Variants in BRSK2 observed in about 807,000 individuals in gnomAD.
The protein encoded by BRSK2 is serine/threonine-protein kinase BRSK2.
A neutral mutation model predicts 83.3 loss-of-function variants in BRSK2; 19 were observed. That is an observed-to-expected ratio of 0.23 (90% CI 0.16 to 0.33). The LOEUF is 0.33. BRSK2 is among the 10% of genes least tolerant of loss of function. The pLI, the probability that BRSK2 is intolerant of heterozygous loss-of-function variation, is 1.00. For synonymous variants in BRSK2, 519 were observed against 435.4 expected (o/e 1.19, Z -2.39); for missense variants, 798 against 1,042.3 (o/e 0.77, Z 3.23).
At position 1,460,732 on chromosome 11, in the gene BRSK2, GCCCC is replaced by G; in HGVS notation, c.*17_*20del. ...GCCGCGAGCAGCCTTAGACACACTA[GCCCC>G]CCCCCCCAGCACAGCACTGACAGCG... On this transcript the variant is annotated 3_prime_UTR_variant, in exon 20 of 20. Coordinates refer to ENST00000528841, the MANE Select transcript of BRSK2 (RefSeq NM_001256627.2). 3 of 1,310,208 alleles carry G rather than the reference GCCCC, an allele frequency of 2.3e-6. No individual in the cohort carries two copies. The highest frequency in any genetic ancestry group is 3.0e-6 in the Non-Finnish European group (3 of 1,013,200). The allele number at this position is 1,310,208 out of a possible 1,614,324, so 81.2% of individuals were successfully genotyped here.
At position 1,456,657 on chromosome 11, in the gene BRSK2, C is replaced by T; in HGVS notation, c.1909C>T (p.His637Tyr). The T allele has an allele frequency of 4.4e-6, 7 of 1,608,906 alleles. No homozygotes were observed. Among genetic ancestry groups the T allele is most frequent in the African/African-American group, 1.3e-5 (1 of 75,038 alleles). Residue 637 changes from histidine to tyrosine, a missense_variant, in exon 18 of 20, where the codon CAC becomes TAC. Coordinates refer to ENST00000528841, the MANE Select transcript of BRSK2 (RefSeq NM_001256627.2). ...CATCCAGGCCCAGCTGCTGAGCACACACGACCCGCCTGCGGCCCAGCACTT... is the reference window on the plus strand; with the variant it reads ...CATCCAGGCCCAGCTGCTGAGCACATACGACCCGCCTGCGGCCCAGCACTT... ...ETIQAQLLST[H>Y]DPPAAQHLSD... is the part of the protein sequence containing the mutation.
chr11:1,443,597 C>A lies in BRSK2; in HGVS notation c.742C>A (p.Arg248=). 1.2e-6 allele frequency: 2 copies of A among 1,608,800 alleles called. No homozygotes were observed. Among genetic ancestry groups the A allele is most frequent in the Non-Finnish European group, 1.7e-6 (2 of 1,178,006 alleles). ...FIPPDCQSLL[R]GMIEVDAARR... is the part of the protein sequence containing the mutation. ...CCCGCCCGACTGCCAGAGTCTGCTA[C>A]GGGGCATGATCGAGGTGGACGCCGC... Residue 248 remains arginine, a synonymous_variant, in exon 8 of 20, where the codon CGG becomes AGG. Transcript: ENST00000528841.
chr11:1,436,139 GT>G lies in BRSK2; in HGVS notation c.186+6del. The G allele has an allele frequency of 1.4e-6, 2 of 1,407,968 alleles. No individual in the cohort carries two copies. Among genetic ancestry groups the G allele is most frequent in the South Asian group, 1.4e-5 (1 of 72,594 alleles). The allele number at this position is 1,407,968 out of a possible 1,614,324, so 87.2% of individuals were successfully genotyped here. Reference sequence around the variant, plus strand: ...AGCGAGTCGGTGCTGATGAAGGTGGGTGGGGCCGGGGAGGGAGGCGGGGCCG... The same window carrying G: ...AGCGAGTCGGTGCTGATGAAGGTGGGGGGGCCGGGGAGGGAGGCGGGGCCG... On this transcript the variant is annotated splice_donor_region_variant and intron_variant, in intron 2 of 19. Coordinates refer to ENST00000528841, the MANE Select transcript of BRSK2 (RefSeq NM_001256627.2).
rs979703341 is a variant in BRSK2, at chr11:1,423,070, G to A, written c.92-12970G>A. 3.3e-5 allele frequency among the ~76,000 whole-genome samples: 5 copies of A among 152,204 alleles called. No individual in the cohort carries two copies. The highest frequency in any genetic ancestry group is 7.3e-5 in the Non-Finnish European group (5 of 68,030). On this transcript the variant is annotated intron_variant, in intron 1 of 19. Transcript: ENST00000528841. The surrounding 1 kb of genome is among the most constrained non-coding windows in gnomAD (Gnocchi z 6.5). Reference sequence around the variant, plus strand: ...CCTTAGCTCAGCCAGACAGCAGCCCGGAGGGTTAATGTCCAGGTACCTCCA... The same window carrying A: ...CCTTAGCTCAGCCAGACAGCAGCCCAGAGGGTTAATGTCCAGGTACCTCCA...
chr11:1,408,775 G>T (rs1001379940), intron 1 of BRSK2, among the ~76,000 whole-genome samples: 21 of 76,072 alleles, frequency 2.8e-4, no homozygotes, highest in African/African-American at 8.1e-4. Flanking sequence ...GTGTGTGTGT[G>T]TGTTTGGCTG....
At chr11:1,411,307 G>A in intron 1 of BRSK2, 1 of 1,341,360 alleles carries the variant, frequency 7.5e-7, no homozygotes, top group South Asian at 2.0e-5. Context: ...GGCCTGCCCG[G>A]GTGGGGTCCT....
intron 18 of BRSK2, among the ~76,000 whole-genome samples, chr11:1,457,911 T>C (rs915839576): frequency 2.0e-5 from 3 of 152,046 alleles, no homozygotes; most frequent in African/African-American, 7.2e-5. Flanking sequence ...TCTCCTGATT[T>C]TGGGAGCCAG....
At chr11:1,444,908 C>A in intron 8 of BRSK2, 63 bp from the exon 9 acceptor site, 1 of 1,522,774 alleles carries the variant, frequency 6.6e-7, no homozygotes, top group Non-Finnish European at 9.1e-7. Context: ...TCCCCCTCAC[C>A]TCCTAATGTG....
intron 1 of BRSK2, among the ~76,000 whole-genome samples, chr11:1,435,276 C>T (rs28429118): frequency 4.7e-4 from 13 of 27,870 alleles, no homozygotes; most frequent in African/African-American, 1.6e-3. Flanking sequence ...AGGAGGGGTG[C>T]CGGTGGGGGT....
chr11:1,405,769 T>C (rs565506736), intron 1 of BRSK2, among the ~76,000 whole-genome samples: 1 of 151,998 alleles, frequency 6.6e-6, no homozygotes, highest in Non-Finnish European at 1.5e-5. Context: ...CTTTCCTGAG[T>C]GTGGCCCCAG....
chr11:1,401,381 G>A (rs1458382222), intron 1 of BRSK2, among the ~76,000 whole-genome samples: 2 of 152,360 alleles, frequency 1.3e-5, no homozygotes, highest in Middle Eastern at 3.4e-3. Context: ...CTCATAGTGA[G>A]TCTGTCTGCC....
At chr11:1,446,173 G>T (rs114133345) in intron 12 of BRSK2, among the ~76,000 whole-genome samples, 1 of 146,696 alleles carries the variant, frequency 6.8e-6, no homozygotes, top group African/African-American at 2.7e-5. Flanking sequence ...GGCTGGCCTG[G>T]GCTGGGCTGG....
intron 1 of BRSK2, among the ~76,000 whole-genome samples, chr11:1,392,822 G>C (rs570198026): frequency 6.6e-6 from 1 of 152,324 alleles, no homozygotes; most frequent in Admixed American, 6.5e-5. Flanking sequence ...TGTGCGTCCT[G>C]CAGGGCCAGT....
At chr11:1,459,731 A>C (rs1847171082) in intron 19 of BRSK2, among the ~76,000 whole-genome samples, 1 of 151,978 alleles carries the variant, frequency 6.6e-6, no homozygotes, top group Non-Finnish European at 1.5e-5. Context: ...TGGGCTCCCC[A>C]TTTCCGCCCC....
chr11:1,407,849 G>T (rs919841563), intron 1 of BRSK2, among the ~76,000 whole-genome samples: 3 of 152,210 alleles, frequency 2.0e-5, no homozygotes. Context: ...GGGCCCGGCA[G>T]GGAGGGGCTG....
At position 1,429,186 on chromosome 11, in the gene BRSK2, C is replaced by T. The variant is rs564146801; in HGVS notation, c.92-6854C>T. 2.8e-3 allele frequency among the ~76,000 whole-genome samples: 382 copies of T among 135,428 alleles called. 4 individuals are homozygous for T. The highest frequency in any genetic ancestry group is 0.01 in the African/African-American group (362 of 35,854). 88.8% of individuals were successfully genotyped at this position (135,428 alleles called of 152,430 possible). A position where few individuals can be genotyped will look rare whatever the true frequency, so the allele number is the denominator to read the frequency against. On this transcript the variant is annotated intron_variant, in intron 1 of 19. Transcript: ENST00000528841. ...CACGGGTGTGTGTCCTGGGTGCATG[C>T]GCGTGTGCATGGGTGTGTGTGCACG...
chr11:1,396,628 G>C (rs1304491349), intron 1 of BRSK2, among the ~76,000 whole-genome samples: 3 of 152,240 alleles, frequency 2.0e-5, no homozygotes, highest in African/African-American at 7.2e-5. Flanking sequence ...CCATCACCTG[G>C]TGGCGCTTGC....
At chr11:1,446,672 G>A (rs1852175764) in intron 12 of BRSK2, among the ~76,000 whole-genome samples, 1 of 152,208 alleles carries the variant, frequency 6.6e-6, no homozygotes, top group Non-Finnish European at 1.5e-5. Context: ...GCTGGGTGGG[G>A]GCAGGGCTGG....
In BRSK2 at chr11:1,390,320, C is replaced by G. The variant is rs1427673568; in HGVS notation, c.36C>G (p.His12Gln). 1 of 1,049,238 alleles carries G rather than the reference C, an allele frequency of 9.5e-7. No homozygotes were observed. The highest frequency in any genetic ancestry group is 1.2e-6 in the Non-Finnish European group (1 of 861,408). 65.0% of individuals were successfully genotyped at this position (1,049,238 alleles called of 1,614,324 possible). The change falls in exon 1 of 20, where the codon CAC becomes CAG. Residue 12 changes from histidine (H) to glutamine (Q), a missense_variant. His to Gln is a conservative substitution (Grantham distance 24). Transcript: ENST00000528841. The surrounding 1 kb of genome is among the most constrained non-coding windows in gnomAD (Gnocchi z 6.8). ...TSTGKDGGAQ[H>Q]AQYVGPYRLE... ...CGGGGAAGGACGGCGGCGCGCAGCA[C>G]GCGCAGTATGTTGGGCCCTACCGGC...
Sources: allele counts gnomAD v4.1 joint callset (sites outside exome capture counted in the v4.1 genomes callset), GRCh38; gene constraint gnomAD v4.1.1; non-coding constraint Gnocchi (gnomAD v3.1); transcripts MANE v1.5; gene names NCBI Gene and HGNC (gene_info 2026-07-23, HGNC 2026-07-21).